Variants in PRKCG observed in about 807,000 individuals in gnomAD.
The protein encoded by PRKCG is protein kinase C gamma type.
PRKCG carries 28 observed loss-of-function variants against 82.0 expected under a neutral mutation model. That is an observed-to-expected ratio of 0.34 (90% confidence interval 0.25 to 0.47). PRKCG has a LOEUF of 0.47. Ranked by LOEUF, PRKCG falls within the 20% of genes least tolerant of loss-of-function variation. The pLI, the probability that PRKCG is intolerant of heterozygous loss-of-function variation, is 1.00. For synonymous variants in PRKCG, 383 were observed against 376.6 expected, an observed-to-expected ratio of 1.02 and a Z score of -0.20; for missense variants, 640 against 952.7, an observed-to-expected ratio of 0.67 and a Z score of 4.32.
chr19:53,900,884 G>T lies in PRKCG; in HGVS notation c.1575+135G>T, dbSNP rs2068758635. 2.0e-6 allele frequency: 3 copies of T among 1,467,404 alleles called. No individual in the cohort carries two copies. The highest frequency in any genetic ancestry group is 1.1e-5 in the South Asian group (1 of 87,342). 90.9% of individuals were successfully genotyped at this position (1,467,404 alleles called of 1,614,324 possible). ...TTGTGGCCTTCTTACACAGCCAGTC[G>T]TTCCTCCAGCCTCCAGCACAGGTGA... is the stretch of plus-strand genomic sequence containing the variant. On this transcript the variant is annotated intron_variant, in intron 14 of 17. Transcript: ENST00000263431. This position sits in a 1 kb window ranked among gnomAD's most constrained non-coding sequence, Gnocchi z 4.2.
rs1429371317 is a variant in PRKCG at position 53,883,341 on chromosome 19, G to GTGGTGGGGAGGGAGCTTTGA, written c.202+156_202+175dup. On this transcript the variant is annotated intron_variant, in intron 2 of 17. Transcript: ENST00000263431. This position sits in a 1 kb window ranked among gnomAD's most constrained non-coding sequence, Gnocchi z 5.4. ...GGGGGGTGTGGCAGAGACACAGCCT[G>GTGGTGGGGAGGGAGCTTTGA]TGGTGGGGAGGGAGCTTTGATGGTG... The GTGGTGGGGAGGGAGCTTTGA allele has an allele frequency of 1.0e-6, 1 of 1,003,436 alleles. No homozygotes were observed. The highest frequency in any genetic ancestry group is 1.5e-6 in the Non-Finnish European group (1 of 668,224). 62.2% of individuals were successfully genotyped at this position (1,003,436 alleles called of 1,614,324 possible).
chr19:53,905,968 G>T (rs1439730580), intron 16 of PRKCG, among the ~76,000 whole-genome samples: 1 of 115,050 alleles, frequency 8.7e-6, no homozygotes, highest in Admixed American at 9.0e-5. Flanking sequence ...CTCTCTCTCT[G>T]TCCCTCTTCC....
At position 53,892,752 on chromosome 19, in the gene PRKCG, G is replaced by GCGCGCACACACACA. The variant is rs1201671245; in HGVS notation, c.821+110_821+111insGCGCACACACACAC. 6 of 1,097,878 alleles carry GCGCGCACACACACA rather than the reference G, an allele frequency of 5.5e-6. No homozygotes were observed. The African/African-American group carries it at 6.7e-5, about 12-fold the overall frequency. 68.0% of individuals were successfully genotyped at this position (1,097,878 alleles called of 1,614,324 possible). ...TCCTTCCCTCTGCCTCCCAGCATGCGCACACACACACACACACACACACAC... is the reference window on the plus strand; with the variant it reads ...TCCTTCCCTCTGCCTCCCAGCATGCGCGCGCACACACACACACACACACACACACACACACACAC... On this transcript the variant is annotated intron_variant, in intron 7 of 17. Transcript: ENST00000263431. The surrounding 1 kb of genome is among the most constrained non-coding windows in gnomAD (Gnocchi z 5.9).
chr19:53,899,356 G>A (rs114866549), intron 11 of PRKCG, among the ~76,000 whole-genome samples: 42 of 152,318 alleles, frequency 2.8e-4, no homozygotes, highest in African/African-American at 9.1e-4. Flanking sequence ...CAGTGGAGGA[G>A]GGTGCCTTCC....
intron 15 of PRKCG, 121 bp from the exon 16 acceptor site, chr19:53,904,514 G>C: frequency 1.3e-6 from 1 of 777,188 alleles, no homozygotes; most frequent in Non-Finnish European, 2.2e-6. Flanking sequence ...GGTGTGGTCA[G>C]GTGTGCATGT....
intron 16 of PRKCG, among the ~76,000 whole-genome samples, chr19:53,905,294 T>C: frequency 6.6e-6 from 1 of 152,106 alleles, no homozygotes; most frequent in Non-Finnish European, 1.5e-5. Context: ...CTTTTCTCTG[T>C]GTCTCCTTCT....
chr19:53,902,791 G>T (rs1321505756), intron 14 of PRKCG, among the ~76,000 whole-genome samples: 2 of 150,532 alleles, frequency 1.3e-5, no homozygotes, highest in Non-Finnish European at 2.9e-5. Flanking sequence ...CTACTTGGGA[G>T]GCTGAGGTAG....
At chr19:53,891,651 A>C (rs763612414) in intron 5 of PRKCG, 23 bp from the exon 6 acceptor site, 2 of 1,611,982 alleles carry the variant, frequency 1.2e-6, no homozygotes, top group Non-Finnish European at 1.7e-6. Context: ...AACCCGTCAC[A>C]CTCTTCCTCA....
At chr19:53,896,050 A>T (rs1282197380) in intron 9 of PRKCG, among the ~76,000 whole-genome samples, 1 of 144,018 alleles carries the variant, frequency 6.9e-6, no homozygotes, top group Non-Finnish European at 1.5e-5. Context: ...ACAGAGCGAG[A>T]CTCTATCTCA....
chr19:53,892,592 G>A lies in PRKCG; in HGVS notation c.770G>A (p.Gly257Glu). 6.2e-7 allele frequency: 1 copy of A among 1,613,652 alleles called. No individual in the cohort carries two copies. Among genetic ancestry groups the A allele is most frequent in the South Asian group, 1.1e-5 (1 of 91,078 alleles). ...CGGACCTCCCGCAACGACTTCATGG[G>A]GGCCATGTCCTTTGGCGTCTCGGAG... The part of the protein sequence containing the change: ...WDRTSRNDFM[G>E]AMSFGVSELL... Residue 257 changes from glycine to glutamate, a missense_variant, in exon 7 of 18, where the codon GGG (glycine) becomes GAG (glutamate). Gly to Glu is a moderately conservative substitution (Grantham distance 98, BLOSUM62 -2). This residue lies in a region of PRKCG where 261 missense variants were observed against 312.1 expected (regional missense o/e 0.84). Coordinates refer to ENST00000263431, the MANE Select transcript of PRKCG (RefSeq NM_002739.5). The surrounding 1 kb of genome is among the most constrained non-coding windows in gnomAD (Gnocchi z 5.9).
rs775854710 is a variant in PRKCG at position 53,903,069 on chromosome 19, C to T, written c.1576-4C>T. 2.5e-6 allele frequency: 4 copies of T among 1,612,282 alleles called. No individual in the cohort carries two copies. Among genetic ancestry groups the T allele is most frequent in the Admixed American group, 3.3e-5 (2 of 59,992 alleles). On this transcript the variant is annotated splice_region_variant and splice_polypyrimidine_tract_variant and intron_variant, in intron 14 of 17. Coordinates refer to ENST00000263431, the MANE Select transcript of PRKCG (RefSeq NM_002739.5). Reference sequence around the variant, plus strand: ...CATGATTCCCTGCCTTCCACCTCCCCTAGATCATTGCCTACCAGCCCTATG... The same window carrying T: ...CATGATTCCCTGCCTTCCACCTCCCTTAGATCATTGCCTACCAGCCCTATG...
chr19:53,888,845 G>A (rs1413754838), intron 3 of PRKCG, among the ~76,000 whole-genome samples: 3 of 152,090 alleles, frequency 2.0e-5, no homozygotes, highest in East Asian at 3.9e-4. Context: ...GTGGGAGTTG[G>A]GGGGATGGGA....
At chr19:53,903,258 A>G (rs771922382) in intron 15 of PRKCG, 105 bp downstream of exon 15, 3 of 871,478 alleles carry the variant, frequency 3.4e-6, no homozygotes, top group Non-Finnish European at 5.9e-6. Flanking sequence ...TTGTGCTCGA[A>G]TAGCGCTGTC....
Position 53,892,750 on chromosome 19 carries a change from GCGCA to G in PRKCG, c.821+109_821+112del, listed in dbSNP as rs1192264170. The G allele has an allele frequency of 1.1e-5, 13 of 1,168,556 alleles. No homozygotes were observed. The highest frequency in any genetic ancestry group is 1.7e-5 in the African/African-American group (1 of 57,812). 72.4% of individuals were successfully genotyped at this position (1,168,556 alleles called of 1,614,324 possible). ...TGTCCTTCCCTCTGCCTCCCAGCAT[GCGCA>G]CACACACACACACACACACACACAC... is the stretch of plus-strand genomic sequence containing the variant. On this transcript the variant is annotated intron_variant, in intron 7 of 17. Transcript: ENST00000263431. The surrounding 1 kb of genome is among the most constrained non-coding windows in gnomAD (Gnocchi z 5.9).
At chr19:53,903,204 C>T (rs1426820364) in intron 15 of PRKCG, 51 bp downstream of exon 15, 2 of 1,439,514 alleles carry the variant, frequency 1.4e-6, no homozygotes, top group Non-Finnish European at 9.8e-7. Flanking sequence ...CAGAGAGGGG[C>T]ACCTGGATCT....
rs1307567632 is a variant in PRKCG at position 53,903,076 on chromosome 19, A to G, written c.1579A>G (p.Ile527Val). 1.2e-6 allele frequency: 2 copies of G among 1,612,948 alleles called. No individual in the cohort carries two copies. The highest frequency in any genetic ancestry group is 2.7e-5 in the African/African-American group (2 of 74,826). Reference sequence around the variant, plus strand: ...CCCTGCCTTCCACCTCCCCTAGATCATTGCCTACCAGCCCTATGGGAAGTC... The same window carrying G: ...CCCTGCCTTCCACCTCCCCTAGATCGTTGCCTACCAGCCCTATGGGAAGTC... ...GTPDYIAPEI[I>V]AYQPYGKSVD... is the part of the protein sequence containing the mutation. The change falls in exon 15 of 18, where the codon ATT (isoleucine) becomes GTT (valine). Residue 527 changes from isoleucine to valine, a missense_variant. Transcript: ENST00000263431.
At chr19:53,901,432 T>G (rs925443279) in intron 14 of PRKCG, among the ~76,000 whole-genome samples, 4 of 150,670 alleles carry the variant, frequency 2.7e-5, no homozygotes, top group Non-Finnish European at 4.4e-5. Flanking sequence ...TAATCCCAGC[T>G]ATTCGGGAGG....
rs1335718194 is a variant in PRKCG, at chr19:53,907,072, C to T, written c.*177C>T. The T allele has an allele frequency of 2.1e-6, 3 of 1,396,562 alleles. No homozygotes were observed. The Admixed American group carries it at 6.4e-5, about 30-fold the overall frequency. 86.5% of individuals were successfully genotyped at this position (1,396,562 alleles called of 1,614,324 possible). ...CAAGCGTTCCTGGCCTTCTGAACTC[C>T]ATACAGCCTCTACAGCCGTCCCGCG... On this transcript the variant is annotated 3_prime_UTR_variant, in exon 18 of 18. Coordinates refer to ENST00000263431, the MANE Select transcript of PRKCG (RefSeq NM_002739.5).
intron 15 of PRKCG, among the ~76,000 whole-genome samples, chr19:53,903,696 G>GT (rs1277181478): frequency 6.6e-6 from 1 of 152,160 alleles, no homozygotes; most frequent in Non-Finnish European, 1.5e-5. Context: ...TGAACTATGA[G>GT]TATGCCACTG....
Sources: gnomAD v4.1 joint callset for allele counts (sites outside exome capture counted in the v4.1 genomes callset) on GRCh38, gnomAD v4.1.1 for gene constraint, gnomAD v4.1.1 regional missense constraint, Gnocchi (gnomAD v3.1) non-coding constraint, MANE v1.5 for transcripts, NCBI Gene and HGNC (gene_info 2026-07-23, HGNC 2026-07-21) for gene names.